DDX10: variants seen among roughly 807,000 people sequenced by gnomAD.
The protein encoded by DDX10 is probable ATP-dependent RNA helicase DDX10.
A neutral mutation model predicts 104.3 loss-of-function variants in DDX10; 74 were observed. The ratio of observed to expected loss-of-function variants is 0.71; its 90% CI spans 0.59 to 0.86. The LOEUF is 0.86. Among genes scored for constraint, DDX10 ranks in the 40% least tolerant of loss-of-function variants. The pLI is 0.00. For missense variants in DDX10, 952 were observed against 1,040.0 expected (o/e 0.92, Z 1.16); for synonymous variants, 351 against 353.4 (o/e 0.99, Z 0.08).
intron 11 of DDX10, among the ~76,000 whole-genome samples, chr11:108,718,326 T>C (rs1473019607): frequency 6.6e-6 from 1 of 152,216 alleles, no homozygotes; most frequent in African/African-American, 2.4e-5. Context: ...TGGACTTCTA[T>C]AAGCTCACTT....
At chr11:108,699,013 T>C (rs926729804) in intron 9 of DDX10, among the ~76,000 whole-genome samples, 1 of 152,208 alleles carries the variant, frequency 6.6e-6, no homozygotes, top group Non-Finnish European at 1.5e-5. Context: ...GACATTCCTT[T>C]CTCCAAAGTC....
At chr11:108,843,618 TG>T (rs1862671827) in intron 15 of DDX10, among the ~76,000 whole-genome samples, 1 of 151,940 alleles carries the variant, frequency 6.6e-6, no homozygotes, top group Non-Finnish European at 1.5e-5. Flanking sequence ...TAGCTGTGCA[TG>T]GTGGCACACA....
Position 108,724,192 on chromosome 11 carries a change from T to C in DDX10, c.1965+730T>C, listed in dbSNP as rs115287058. Among the ~76,000 whole-genome samples the C allele has an allele frequency of 9.7e-3, 1,482 of 152,086 alleles. 17 individuals are homozygous for C. Among genetic ancestry groups the C allele is most frequent in the African/African-American group, 0.033 (1,387 of 41,528 alleles). On this transcript the variant is annotated intron_variant, in intron 13 of 17. Coordinates refer to ENST00000322536, the MANE Select transcript of DDX10 (RefSeq NM_004398.4). ...AGCTTGATTCTTACTCTTTATACAA[T>C]GTTGAATAAAATTTCAAGATTCACA...
intron 13 of DDX10, among the ~76,000 whole-genome samples, chr11:108,762,931 A>G (rs1425238319): frequency 6.6e-6 from 1 of 152,184 alleles, no homozygotes; most frequent in Non-Finnish European, 1.5e-5. Flanking sequence ...CGCTGTATGT[A>G]GAACTCTTTG....
chr11:108,864,018 C>T (rs990108699), intron 16 of DDX10, among the ~76,000 whole-genome samples: 4 of 152,160 alleles, frequency 2.6e-5, no homozygotes, highest in Admixed American at 1.3e-4. Flanking sequence ...ATGTTTCCTC[C>T]GAGCCTCAGT....
chr11:108,677,465 T>C (rs2094227286), intron 4 of DDX10, among the ~76,000 whole-genome samples: 2 of 152,030 alleles, frequency 1.3e-5, no homozygotes, highest in Admixed American at 1.3e-4. Flanking sequence ...CTGAATTGAT[T>C]AGCCTCTCTA....
At chr11:108,726,791 T>A (rs907870133) in intron 13 of DDX10, among the ~76,000 whole-genome samples, 1 of 152,162 alleles carries the variant, frequency 6.6e-6, no homozygotes, top group Non-Finnish European at 1.5e-5. Context: ...GCATTCAGTC[T>A]TTTACCATTA....
chr11:108,868,571 A>T lies in DDX10; in HGVS notation c.2304+16362A>T, dbSNP rs569222102. ...ATGGTCACAATCCACTGATGGCTTCATGATACACTGAGTTGATACTCTAAT... is the reference window on the plus strand; with the variant it reads ...ATGGTCACAATCCACTGATGGCTTCTTGATACACTGAGTTGATACTCTAAT... On this transcript the variant is annotated intron_variant, in intron 16 of 17. Coordinates refer to ENST00000322536, the MANE Select transcript of DDX10 (RefSeq NM_004398.4). Among the ~76,000 whole-genome samples the T allele has an allele frequency of 1.6e-4, 24 of 152,206 alleles. No homozygotes were observed. In the South Asian group the frequency reaches 4.8e-3, roughly 30 times the overall value.
intron 15 of DDX10, among the ~76,000 whole-genome samples, chr11:108,841,771 A>G (rs2514118): frequency 0.15 from 22,910 of 152,080 alleles, 2,115 homozygotes; most frequent in East Asian, 0.27. Flanking sequence ...TTGTGGTTTC[A>G]CTTGTAGTTG....
intron 16 of DDX10, among the ~76,000 whole-genome samples, chr11:108,879,557 ACATGGT>A (rs1460257852): frequency 6.6e-6 from 1 of 152,200 alleles, no homozygotes; most frequent in South Asian, 2.1e-4. Flanking sequence ...ACTTAGTAAC[ACATGGT>A]TATGGTATTT....
rs376320373 is a variant in DDX10 at position 108,715,925 on chromosome 11, A to G, written c.1369A>G (p.Ile457Val). ...LIDVQKKLES[I>V]LAQDQDLKER... ...AGATGTCCAGAAAAAATTGGAATCTATTTTAGCTCAAGATCAAGATTTAAA... is the reference window on the plus strand; with the variant it reads ...AGATGTCCAGAAAAAATTGGAATCTGTTTTAGCTCAAGATCAAGATTTAAA... Residue 457 changes from isoleucine (I) to valine (V), a missense_variant, in exon 11 of 18, where the codon ATT becomes GTT. By Grantham distance (29) the Ile-to-Val change is conservative. Transcript: ENST00000322536. 2 of 1,569,052 alleles carry G rather than the reference A, an allele frequency of 1.3e-6. No individual in the cohort carries two copies. Among genetic ancestry groups the G allele is most frequent in the South Asian group, 1.1e-5 (1 of 89,030 alleles).
intron 14 of DDX10, among the ~76,000 whole-genome samples, chr11:108,840,138 T>C (rs1370315937): frequency 6.6e-6 from 1 of 152,194 alleles, no homozygotes; most frequent in Non-Finnish European, 1.5e-5. Context: ...TAACATGATA[T>C]TCATATTGTT....
chr11:108,805,142 T>C (rs1462270610), intron 13 of DDX10, among the ~76,000 whole-genome samples: 1 of 152,198 alleles, frequency 6.6e-6, no homozygotes, highest in Non-Finnish European at 1.5e-5. Context: ...AAATGGTATA[T>C]TTTATTGCTT....
At chr11:108,859,225 T>G (rs911545389) in intron 16 of DDX10, among the ~76,000 whole-genome samples, 4 of 152,150 alleles carry the variant, frequency 2.6e-5, no homozygotes, top group Non-Finnish European at 4.4e-5. Flanking sequence ...TAAGAGGAAA[T>G]TTTTCAGGAA....
chr11:108,719,608 A>G (rs951302421), intron 11 of DDX10, among the ~76,000 whole-genome samples, 189 bp from the exon 12 acceptor site: 6 of 152,322 alleles, frequency 3.9e-5, no homozygotes, highest in Middle Eastern at 3.4e-3. Flanking sequence ...AACCAAATGC[A>G]AAGTTTTTTT....
chr11:108,761,602 CAT>C (rs759835553), intron 13 of DDX10, among the ~76,000 whole-genome samples: 5 of 152,080 alleles, frequency 3.3e-5, no homozygotes, highest in African/African-American at 7.2e-5. Context: ...CTCAGAAAAA[CAT>C]GTGGGGATCA....
At chr11:108,922,716 T>G (rs1863851293) in intron 17 of DDX10, among the ~76,000 whole-genome samples, 1 of 152,270 alleles carries the variant, frequency 6.6e-6, no homozygotes, top group South Asian at 2.1e-4. Flanking sequence ...AGGGTTCTGA[T>G]GTGGATTCAA....
intron 13 of DDX10, among the ~76,000 whole-genome samples, chr11:108,733,133 T>G (rs1186093191): frequency 6.6e-6 from 1 of 151,896 alleles, no homozygotes; most frequent in Non-Finnish European, 1.5e-5. Context: ...TTTAGTAGCT[T>G]TTTCTTTTTT....
intron 13 of DDX10, among the ~76,000 whole-genome samples, chr11:108,782,862 T>C (rs1343545707): frequency 6.6e-6 from 1 of 152,108 alleles, no homozygotes; most frequent in Non-Finnish European, 1.5e-5. Context: ...GAGTAGTCAG[T>C]GGTATCAAGT....
Sources: gnomAD v4.1 joint callset for allele counts (sites outside exome capture counted in the v4.1 genomes callset) on GRCh38, gnomAD v4.1.1 for gene constraint, MANE v1.5 for transcripts, NCBI Gene and HGNC (gene_info 2026-07-23, HGNC 2026-07-21) for gene names.